The following FAM76B variants were observed in gnomAD, a reference collection of about 807,000 sequenced individuals.
FAM76B encodes the protein family with sequence similarity 76 member B, also known as protein FAM76B.
FAM76B carries 16 observed loss-of-function variants against 51.8 expected under a neutral mutation model. That is an observed-to-expected ratio of 0.31 (90% CI 0.21 to 0.47). The LOEUF is 0.47. Ranked by LOEUF, FAM76B falls within the 20% of genes least tolerant of loss-of-function variation. The probability of loss-of-function intolerance (pLI) is 1.00; values close to 1 mark genes in which losing one functional copy is unlikely to be tolerated. For missense variants in FAM76B, 342 were observed against 392.6 expected, an observed-to-expected ratio of 0.87 and a Z score of 1.09; for synonymous variants, 166 against 129.5, an observed-to-expected ratio of 1.28 and a Z score of -1.91.
Position 95,769,795 on chromosome 11 carries a change from C to G in FAM76B, c.*1766G>C, listed in dbSNP as rs550158373. The G allele has an allele frequency of 6.6e-6, 1 of 151,280 alleles. No individual in the cohort carries two copies. The highest frequency in any genetic ancestry group is 1.5e-5 in the Non-Finnish European group (1 of 67,554). The allele number at this position is 151,280 out of a possible 1,614,324, so 9.4% of individuals were successfully genotyped here. On this transcript the variant is annotated 3_prime_UTR_variant, in exon 10 of 10. Coordinates refer to ENST00000358780, the MANE Select transcript of FAM76B (RefSeq NM_144664.5). Reference sequence around the variant, plus strand: ...TTAAGAAAATTATTACATGAAGATCCCATAAAAATAAACTGGTTTAGTTTA... The same window carrying G: ...TTAAGAAAATTATTACATGAAGATCGCATAAAAATAAACTGGTTTAGTTTA...
Position 95,769,992 on chromosome 11 carries a change from A to G in FAM76B, c.*1569T>C, listed in dbSNP as rs901377386. On this transcript the variant is annotated 3_prime_UTR_variant, in exon 10 of 10. Transcript: ENST00000358780. Reference sequence around the variant, plus strand: ...CAATCATGTGTTCTTAAGAAAGCCAATCTTTGATATGACATTCACAATCAA... The same window carrying G: ...CAATCATGTGTTCTTAAGAAAGCCAGTCTTTGATATGACATTCACAATCAA... The G allele has an allele frequency of 6.6e-6, 1 of 151,654 alleles. No homozygotes were observed. The highest frequency in any genetic ancestry group is 2.4e-5 in the African/African-American group (1 of 41,408). The allele number at this position is 151,654 out of a possible 1,614,324, so 9.4% of individuals were successfully genotyped here.
intron 4 of FAM76B, among the ~76,000 whole-genome samples, chr11:95,784,780 G>T (rs938795756): frequency 9.9e-5 from 15 of 151,858 alleles, no homozygotes; most frequent in African/African-American, 3.6e-4. Context: ...GTAGAAACGG[G>T]GTTTCACCGT....
chr11:95,789,565 G>T lies in FAM76B; in HGVS notation c.-87C>A, dbSNP rs551776361. On this transcript the variant is annotated 5_prime_UTR_variant, in exon 1 of 10. Transcript: ENST00000358780. ...CGAGAGCCGCCGCCGCCCGGGCCGC[G>T]GGCTCCTCCTCCTCCCCCTCCCCCT... 431 of 1,251,630 alleles carry T rather than the reference G, an allele frequency of 3.4e-4. 2 individuals are homozygous for T. In the African/African-American group the frequency reaches 6.0e-3, roughly 18 times the overall value. 77.5% of individuals were successfully genotyped at this position (1,251,630 alleles called of 1,614,324 possible).
At chr11:95,788,624 G>A (rs1860748887) in intron 1 of FAM76B, 61 bp from the exon 2 acceptor site, 1 of 1,505,168 alleles carries the variant, frequency 6.6e-7, no homozygotes. Context: ...CACTTTTCTG[G>A]TAGAAAACTG....
chr11:95,781,008 G>C (rs1467498105), intron 5 of FAM76B, among the ~76,000 whole-genome samples: 1 of 149,906 alleles, frequency 6.7e-6, no homozygotes, highest in Non-Finnish European at 1.5e-5. Context: ...AATGTTAATA[G>C]CAATAATTCC....
In FAM76B at chr11:95,769,689, A is replaced by G. The variant is rs1859685043; in HGVS notation, c.*1872T>C. On this transcript the variant is annotated 3_prime_UTR_variant, in exon 10 of 10. Transcript: ENST00000358780. ...TTACAAATTTCAAAGAAAGGTAATAACTATCTTATGAATTTAGCAAATCCT... is the reference window on the plus strand; with the variant it reads ...TTACAAATTTCAAAGAAAGGTAATAGCTATCTTATGAATTTAGCAAATCCT... 1 of 151,738 alleles carries G rather than the reference A, an allele frequency of 6.6e-6. No homozygotes were observed. Among genetic ancestry groups the G allele is most frequent in the South Asian group, 2.1e-4 (1 of 4,832 alleles). 9.4% of individuals were successfully genotyped at this position (151,738 alleles called of 1,614,324 possible). A position where few individuals can be genotyped will look rare whatever the true frequency, so the allele number is the denominator to read the frequency against.
intron 4 of FAM76B, among the ~76,000 whole-genome samples, chr11:95,785,867 C>T (rs1366627036): frequency 6.6e-6 from 1 of 152,188 alleles, no homozygotes; most frequent in East Asian, 1.9e-4. Context: ...TTAGTTAAAT[C>T]TCCTGAACCA....
chr11:95,784,589 CACA>C (rs1409498944), intron 4 of FAM76B, among the ~76,000 whole-genome samples: 2 of 150,736 alleles, frequency 1.3e-5, no homozygotes, highest in Non-Finnish European at 3.0e-5. Context: ...CACACACACA[CACA>C]ATTTTTTTTT....
At position 95,775,274 on chromosome 11, in the gene FAM76B, GATGTTCACC is replaced by G. The variant is rs897368859; in HGVS notation, c.930+639_930+647del. 2.6e-5 allele frequency among the ~76,000 whole-genome samples: 4 copies of G among 151,564 alleles called. No homozygotes were observed. The East Asian group carries it at 7.7e-4, about 29-fold the overall frequency. ...ATGGTAGCATTCTGTATCCATGTTG[GATGTTCACC>G]ATCTCTGCATGCCAGACATCAGATT... On this transcript the variant is annotated intron_variant, in intron 9 of 9. Transcript: ENST00000358780.
rs1859761395 is a variant in FAM76B, at chr11:95,771,444, A to G, written c.*117T>C. 3.1e-6 allele frequency: 2 copies of G among 648,206 alleles called. No individual in the cohort carries two copies. The highest frequency in any genetic ancestry group is 5.3e-6 in the Non-Finnish European group (2 of 379,354). 40.2% of individuals were successfully genotyped at this position (648,206 alleles called of 1,614,324 possible). A position where few individuals can be genotyped will look rare whatever the true frequency, so the allele number is the denominator to read the frequency against. On this transcript the variant is annotated 3_prime_UTR_variant, in exon 10 of 10. Coordinates refer to ENST00000358780, the MANE Select transcript of FAM76B (RefSeq NM_144664.5). ...TCAATTACAAAAGTGAACAGGAAACACACCAATTCATTTGGTGTGCAAAAA... is the reference window on the plus strand; with the variant it reads ...TCAATTACAAAAGTGAACAGGAAACGCACCAATTCATTTGGTGTGCAAAAA...
rs1019069940 is a variant in FAM76B, at chr11:95,788,575, C to G, written c.88-12G>C. ...GCAATCCGACATTCCTGTAATAAGA[C>G]AATACATTAGTCAGTATCTTTCTGA... On this transcript the variant is annotated splice_polypyrimidine_tract_variant and intron_variant, in intron 1 of 9. Coordinates refer to ENST00000358780, the MANE Select transcript of FAM76B (RefSeq NM_144664.5). The G allele has an allele frequency of 6.2e-7, 1 of 1,606,654 alleles. No homozygotes were observed. Among genetic ancestry groups the G allele is most frequent in the Non-Finnish European group, 8.5e-7 (1 of 1,174,906 alleles).
intron 8 of FAM76B, 47 bp downstream of exon 8, chr11:95,778,775 C>T: frequency 1.3e-6 from 2 of 1,520,772 alleles, no homozygotes; most frequent in Non-Finnish European, 1.8e-6. Context: ...TATCAAGCAA[C>T]AGTCAACACA....
intron 5 of FAM76B, among the ~76,000 whole-genome samples, chr11:95,780,751 T>C (rs947268120): frequency 6.6e-6 from 1 of 151,992 alleles, no homozygotes; most frequent in African/African-American, 2.4e-5. Context: ...CTTATGCAAA[T>C]TACTTAACAT....
At position 95,772,886 on chromosome 11, in the gene FAM76B, A is replaced by C. The variant is rs545703610; in HGVS notation, c.931-1236T>G. On this transcript the variant is annotated intron_variant, in intron 9 of 9. Transcript: ENST00000358780. ...ATGCAAATATTCTCAGTACTATCTTATATGTGCAAATCAAATAATTTTTTA... is the reference window on the plus strand; with the variant it reads ...ATGCAAATATTCTCAGTACTATCTTCTATGTGCAAATCAAATAATTTTTTA... 2.0e-3 allele frequency among the ~76,000 whole-genome samples: 298 copies of C among 151,194 alleles called. 1 individual carries two copies. The highest frequency in any genetic ancestry group is 3.0e-3 in the Non-Finnish European group (202 of 67,344).
intron 9 of FAM76B, 117 bp downstream of exon 9, chr11:95,775,805 C>G: frequency 2.0e-6 from 1 of 511,578 alleles, no homozygotes; most frequent in Non-Finnish European, 3.2e-6. Context: ...AAAATCAAAA[C>G]TGAAATGCAC....
At chr11:95,773,797 G>C (rs1011346293) in intron 9 of FAM76B, among the ~76,000 whole-genome samples, 3 of 151,244 alleles carry the variant, frequency 2.0e-5, no homozygotes, top group Non-Finnish European at 4.4e-5. Context: ...GTTTTAACTT[G>C]ATATTCTTAG....
intron 8 of FAM76B, among the ~76,000 whole-genome samples, chr11:95,776,749 AGTT>A (rs1310881896): frequency 2.0e-5 from 3 of 151,348 alleles, no homozygotes. Context: ...AAACTAAATA[AGTT>A]ATTATGTAAT....
At chr11:95,777,771 T>C (rs1262629812) in intron 8 of FAM76B, among the ~76,000 whole-genome samples, 1 of 151,432 alleles carries the variant, frequency 6.6e-6, no homozygotes, top group Non-Finnish European at 1.5e-5. Flanking sequence ...ATGCCAGAAG[T>C]AAAAGCCAAC....
rs141661472 is a variant in FAM76B at position 95,785,698 on chromosome 11, A to C, written c.363+421T>G. Among the ~76,000 whole-genome samples, 419 of 152,358 alleles carry C rather than the reference A, an allele frequency of 2.8e-3. 2 individuals are homozygous for C. The highest frequency in any genetic ancestry group is 4.7e-3 in the Non-Finnish European group (317 of 68,036). ...AATACTTATTACATTAAGTCACTGC[A>C]GGTAGACAAAAACAAACAACAGTTT... On this transcript the variant is annotated intron_variant, in intron 4 of 9. Coordinates refer to ENST00000358780, the MANE Select transcript of FAM76B (RefSeq NM_144664.5).
Sources: allele counts gnomAD v4.1 joint callset (sites outside exome capture counted in the v4.1 genomes callset), GRCh38; gene constraint gnomAD v4.1.1; transcripts MANE v1.5; gene names NCBI Gene and HGNC (gene_info 2026-07-23, HGNC 2026-07-21).